KANSL1L: variants seen among roughly 807,000 people sequenced by gnomAD.
KANSL1L encodes the protein KAT8 regulatory NSL complex subunit 1 like.
In KANSL1L, 25 loss-of-function variants were observed where a neutral mutation model predicts 108.6. That is an observed-to-expected ratio of 0.23 (90% CI 0.17 to 0.32). KANSL1L has a LOEUF of 0.32. KANSL1L is among the 10% of genes least tolerant of loss of function. The probability of loss-of-function intolerance (pLI) is 1.00; values close to 1 mark genes in which losing one functional copy is unlikely to be tolerated. For synonymous variants in KANSL1L, 405 were observed against 395.1 expected (o/e 1.03, Z -0.30); for missense variants, 1,137 against 1,125.7 (o/e 1.01, Z -0.14).
At chr2:210,123,521 T>C (rs2095039800) in intron 3 of KANSL1L, among the ~76,000 whole-genome samples, 1 of 151,696 alleles carries the variant, frequency 6.6e-6, no homozygotes, top group South Asian at 2.1e-4. Flanking sequence ...TGATGATTAC[T>C]AGAGGTTGGG....
At chr2:210,087,783 C>G (rs1042953323) in intron 5 of KANSL1L, among the ~76,000 whole-genome samples, 2 of 152,172 alleles carry the variant, frequency 1.3e-5, no homozygotes, top group African/African-American at 4.8e-5. Flanking sequence ...ATCTTCACAA[C>G]ACAACCCAGA....
chr2:210,031,236 G>C (rs1227372656), intron 9 of KANSL1L, 185 bp downstream of exon 9: 1 of 503,484 alleles, frequency 2.0e-6, no homozygotes, highest in Non-Finnish European at 3.5e-6. Context: ...AAAGTGGGTA[G>C]ATACCAGTCC....
At chr2:210,064,857 T>C (rs1031613482) in intron 6 of KANSL1L, among the ~76,000 whole-genome samples, 10 of 147,254 alleles carry the variant, frequency 6.8e-5, no homozygotes, top group Non-Finnish European at 4.5e-5. Flanking sequence ...AAAAAATTAG[T>C]GTAACACTTC....
intron 6 of KANSL1L, among the ~76,000 whole-genome samples, chr2:210,066,113 T>C (rs1232840143): frequency 1.3e-5 from 2 of 152,214 alleles, no homozygotes; most frequent in African/African-American, 4.8e-5. Flanking sequence ...TCCTACACTG[T>C]ATCACTTTAA....
At chr2:210,054,625 C>T (rs1378423936) in intron 6 of KANSL1L, among the ~76,000 whole-genome samples, 32 of 152,072 alleles carry the variant, frequency 2.1e-4, no homozygotes, top group Admixed American at 1.4e-3. Flanking sequence ...GCATGAAAAA[C>T]TCACAGTTTA....
intron 1 of KANSL1L, among the ~76,000 whole-genome samples, chr2:210,169,108 T>C (rs1254863038): frequency 6.6e-6 from 1 of 152,000 alleles, no homozygotes; most frequent in African/African-American, 2.4e-5. Context: ...TGTAAATCAA[T>C]ACAACATTCT....
intron 6 of KANSL1L, among the ~76,000 whole-genome samples, chr2:210,045,540 T>A (rs1339903886): frequency 6.6e-6 from 1 of 152,228 alleles, no homozygotes; most frequent in Admixed American, 6.5e-5. Context: ...CACCCATATA[T>A]TTATCTCATC....
chr2:210,153,428 C>A, intron 2 of KANSL1L, 67 bp downstream of exon 2: 1 of 1,224,062 alleles, frequency 8.2e-7, no homozygotes, highest in Non-Finnish European at 1.2e-6. Context: ...GTCAACATAC[C>A]TGGAAACTAA....
chr2:210,043,006 C>T (rs1371404828), intron 7 of KANSL1L, among the ~76,000 whole-genome samples: 16 of 152,076 alleles, frequency 1.1e-4, no homozygotes, highest in South Asian at 6.2e-4. Flanking sequence ...AAAGAAGAAC[C>T]GGAGATAACC....
At chr2:210,058,128 T>C (rs935551809) in intron 6 of KANSL1L, among the ~76,000 whole-genome samples, 2 of 152,216 alleles carry the variant, frequency 1.3e-5, no homozygotes, top group Non-Finnish European at 2.9e-5. Flanking sequence ...CTGAATTCTT[T>C]TTCTCAGCAA....
chr2:210,148,337 A>G (rs1233156382), intron 2 of KANSL1L, among the ~76,000 whole-genome samples: 2 of 152,200 alleles, frequency 1.3e-5, no homozygotes, highest in African/African-American at 4.8e-5. Flanking sequence ...GGAAAAGAAG[A>G]AAAGAAATGC....
chr2:210,098,820 GTTTT>G (rs59310373), intron 4 of KANSL1L, among the ~76,000 whole-genome samples: 1 of 150,652 alleles, frequency 6.6e-6, no homozygotes, highest in African/African-American at 2.4e-5. Context: ...AAATATCAGA[GTTTT>G]TTTTTTAGCA....
chr2:210,088,678 G>C (rs2094662719), intron 5 of KANSL1L: 1 of 152,698 alleles, frequency 6.5e-6, no homozygotes, highest in Non-Finnish European at 1.5e-5. Flanking sequence ...ACAGAGGCAA[G>C]AAGGTGATTT....
intron 6 of KANSL1L, among the ~76,000 whole-genome samples, chr2:210,053,258 A>G (rs185464972): frequency 2.5e-3 from 380 of 152,278 alleles, no homozygotes; most frequent in African/African-American, 8.6e-3. Context: ...TGTCTTTTCA[A>G]ACTTCTCCTG....
At chr2:210,064,867 C>A (rs1205283854) in intron 6 of KANSL1L, among the ~76,000 whole-genome samples, 2 of 150,360 alleles carry the variant, frequency 1.3e-5, no homozygotes, top group African/African-American at 4.9e-5. Flanking sequence ...TGTAACACTT[C>A]CTTACAAAAA....
chr2:210,086,817 T>C (rs985658657), intron 5 of KANSL1L, among the ~76,000 whole-genome samples: 22 of 152,130 alleles, frequency 1.4e-4, no homozygotes, highest in African/African-American at 5.1e-4. Context: ...CCTAATTATA[T>C]ACAAGAATTA....
At chr2:210,158,304 G>A (rs1264618325) in intron 1 of KANSL1L, among the ~76,000 whole-genome samples, 1 of 152,062 alleles carries the variant, frequency 6.6e-6, no homozygotes, top group East Asian at 1.9e-4. Flanking sequence ...GACCCACATG[G>A]TATAGAAATG....
In KANSL1L at chr2:210,040,483, C is replaced by G. The variant is rs768590775; in HGVS notation, c.1966G>C (p.Glu656Gln). The change falls in exon 8 of 15, where the codon GAA (glutamate) becomes CAA (glutamine). Residue 656 changes from glutamate (E) to glutamine (Q), a missense_variant. Coordinates refer to ENST00000281772, the MANE Select transcript of KANSL1L (RefSeq NM_152519.4). ...TTTTCAGCAAGATTGCCTTTTATTT[C>G]AGTCTTTTTTAACAGTGTTTCAAAG... Reference protein sequence around the residue: ...FHFETLLKKTEIKGNLAENKF... With the variant: ...FHFETLLKKTQIKGNLAENKF... 2 of 1,568,936 alleles carry G rather than the reference C, an allele frequency of 1.3e-6. No homozygotes were observed. Among genetic ancestry groups the G allele is most frequent in the South Asian group, 2.3e-5 (2 of 87,294 alleles).
chr2:210,112,421 T>C (rs1003264820), intron 3 of KANSL1L, among the ~76,000 whole-genome samples: 1 of 152,106 alleles, frequency 6.6e-6, no homozygotes, highest in African/African-American at 2.4e-5. Context: ...CTCCTCAGTA[T>C]CAAACAAAAC....
Sources: gnomAD v4.1 joint callset for allele counts (sites outside exome capture counted in the v4.1 genomes callset) on GRCh38, gnomAD v4.1.1 for gene constraint, MANE v1.5 for transcripts, NCBI Gene and HGNC (gene_info 2026-07-23, HGNC 2026-07-21) for gene names.